The following NRG3 variants were observed in gnomAD, a reference collection of about 807,000 sequenced individuals.
NRG3 encodes neuregulin 3, also known as pro-neuregulin-3, membrane-bound isoform.
Under a neutral mutation model 66.9 loss-of-function variants are expected in NRG3, and 31 were observed. The ratio of observed to expected loss-of-function variants is 0.46; its 90% CI spans 0.35 to 0.63. NRG3 has a LOEUF of 0.63. Among genes scored for constraint, NRG3 ranks in the 20% least tolerant of loss-of-function variants. The pLI is 0.00. For synonymous variants in NRG3, 393 were observed against 359.4 expected (o/e 1.09, Z -1.06); for missense variants, 910 against 878.9 (o/e 1.04, Z -0.45).
At chr10:82,179,466 G>T (rs116032909) in intron 1 of NRG3, among the ~76,000 whole-genome samples, 1,569 of 151,928 alleles carry the variant, frequency 0.01, 28 homozygotes, top group African/African-American at 0.036. Context: ...TTTTGCATAT[G>T]GATTTCCAGT....
intron 4 of NRG3, among the ~76,000 whole-genome samples, chr10:82,880,151 T>C (rs570246814): frequency 5.9e-4 from 90 of 152,214 alleles, no homozygotes; most frequent in African/African-American, 1.8e-3. Flanking sequence ...ACAGGAGTTA[T>C]CACATTTTGT....
intron 3 of NRG3, among the ~76,000 whole-genome samples, chr10:82,849,545 G>A (rs1185827118): frequency 1.3e-5 from 2 of 152,160 alleles, no homozygotes; most frequent in East Asian, 3.9e-4. Context: ...TAAATTGTTA[G>A]GAGTAAAGAA....
chr10:82,574,074 A>G (rs573101087), intron 2 of NRG3, among the ~76,000 whole-genome samples: 2 of 151,934 alleles, frequency 1.3e-5, no homozygotes, highest in Admixed American at 6.6e-5. Context: ...CCAAAAAGAT[A>G]CCTGCACTCC....
chr10:82,107,900 G>A (rs917658982), intron 1 of NRG3, among the ~76,000 whole-genome samples: 3 of 152,172 alleles, frequency 2.0e-5, no homozygotes, highest in Non-Finnish European at 4.4e-5. Context: ...GGTAAGGTTG[G>A]TAAGTAAGAG....
chr10:82,882,388 C>A (rs1047748008), intron 4 of NRG3, among the ~76,000 whole-genome samples: 2 of 152,126 alleles, frequency 1.3e-5, no homozygotes, highest in Non-Finnish European at 2.9e-5. Context: ...TAAGCTTTGG[C>A]AACATGAGTA....
intron 2 of NRG3, among the ~76,000 whole-genome samples, chr10:82,390,398 A>G: frequency 6.6e-6 from 1 of 152,074 alleles, no homozygotes; most frequent in Admixed American, 6.6e-5. Flanking sequence ...CTCCAGCATA[A>G]GTTTTAGGTG....
chr10:82,461,829 A>G lies in NRG3; in HGVS notation c.953+102961A>G, dbSNP rs571181110. 2.0e-5 allele frequency among the ~76,000 whole-genome samples: 3 copies of G among 152,290 alleles called. No individual in the cohort carries two copies. In the East Asian group the frequency reaches 5.8e-4, roughly 29 times the overall value. ...CTGCTGCAGTAAAACAATTGAGCAT[A>G]TAAAAATATTTTCATATTAGGCCGG... is the stretch of plus-strand genomic sequence containing the variant. On this transcript the variant is annotated intron_variant, in intron 2 of 8. Coordinates refer to ENST00000372141, the MANE Select transcript of NRG3 (RefSeq NM_001010848.4).
chr10:82,842,109 G>A (rs942384436), intron 3 of NRG3, among the ~76,000 whole-genome samples: 2 of 152,128 alleles, frequency 1.3e-5, no homozygotes, highest in South Asian at 4.1e-4. Flanking sequence ...AAATTTTCCA[G>A]GCGTGGTGGT....
At chr10:82,260,418 GC>G (rs753663250) in intron 1 of NRG3, among the ~76,000 whole-genome samples, 1 of 152,202 alleles carries the variant, frequency 6.6e-6, no homozygotes, top group African/African-American at 2.4e-5. Context: ...TTAAGTAGAG[GC>G]CTGAGGCATC....
chr10:82,264,443 C>A (rs191584330), intron 1 of NRG3, among the ~76,000 whole-genome samples: 1 of 152,086 alleles, frequency 6.6e-6, no homozygotes, highest in African/African-American at 2.4e-5. Flanking sequence ...TATCTCCACC[C>A]GGTCCTGCCC....
intron 2 of NRG3, among the ~76,000 whole-genome samples, chr10:82,577,297 G>A (rs1473531658): frequency 6.6e-6 from 1 of 151,476 alleles, no homozygotes; most frequent in Non-Finnish European, 1.5e-5. Context: ...CCTATCCTGG[G>A]GCCTAGCACA....
chr10:81,985,362 G>A (rs1173553801), intron 1 of NRG3, among the ~76,000 whole-genome samples: 1 of 152,144 alleles, frequency 6.6e-6, no homozygotes, highest in African/African-American at 2.4e-5. Flanking sequence ...AAGCCATGAC[G>A]GCCAAAGTGG....
chr10:82,789,662 T>C (rs2060504558), intron 3 of NRG3, among the ~76,000 whole-genome samples: 1 of 152,116 alleles, frequency 6.6e-6, no homozygotes, highest in Admixed American at 6.5e-5. Flanking sequence ...ATTGGAATGT[T>C]TGACACATTT....
chr10:82,864,630 G>T (rs931341696), intron 3 of NRG3, among the ~76,000 whole-genome samples: 2 of 152,184 alleles, frequency 1.3e-5, no homozygotes, highest in African/African-American at 4.8e-5. Flanking sequence ...AACATCTGAG[G>T]TTGAATACTT....
intron 6 of NRG3, among the ~76,000 whole-genome samples, chr10:82,964,765 T>C (rs927526050): frequency 6.6e-6 from 1 of 152,186 alleles, no homozygotes; most frequent in Non-Finnish European, 1.5e-5. Context: ...TCCTCCTGCT[T>C]TTATTGCCTA....
chr10:81,877,868 G>A (rs1841816669), intron 1 of NRG3: 2 of 1,525,360 alleles, frequency 1.3e-6, no homozygotes, highest in Admixed American at 2.0e-5. Flanking sequence ...GGATTCATGA[G>A]TGTATGTGTG....
chr10:81,876,359 G>A (rs1447838445), intron 1 of NRG3, among the ~76,000 whole-genome samples, 196 bp downstream of exon 1: 1 of 152,186 alleles, frequency 6.6e-6, no homozygotes, highest in African/African-American at 2.4e-5. Context: ...GGGGGGTGGG[G>A]GCGTGTAGGA....
intron 1 of NRG3, among the ~76,000 whole-genome samples, chr10:82,179,839 A>G (rs1251071591): frequency 1.3e-5 from 2 of 151,916 alleles, no homozygotes; most frequent in African/African-American, 2.4e-5. Flanking sequence ...AGACATTTTA[A>G]TAATATAGTA....
intron 1 of NRG3, among the ~76,000 whole-genome samples, chr10:82,200,488 G>T (rs2074738791): frequency 6.6e-6 from 1 of 152,162 alleles, no homozygotes; most frequent in South Asian, 2.1e-4. Context: ...CCATGTGATG[G>T]AATTACTCAG....
Sources: allele counts gnomAD v4.1 joint callset (sites outside exome capture counted in the v4.1 genomes callset), GRCh38; gene constraint gnomAD v4.1.1; transcripts MANE v1.5; gene names NCBI Gene and HGNC (gene_info 2026-07-23, HGNC 2026-07-21).